GABRB1: variants seen among roughly 807,000 people sequenced by gnomAD.
The protein encoded by GABRB1 is gamma-aminobutyric acid type A receptor subunit beta1, also known as gamma-aminobutyric acid receptor subunit beta-1.
A neutral mutation model predicts 51.6 loss-of-function variants in GABRB1; 17 were observed. That is an observed-to-expected ratio of 0.33 (90% confidence interval 0.23 to 0.49). GABRB1 has a LOEUF of 0.49. Ranked by LOEUF, GABRB1 falls within the 20% of genes least tolerant of loss-of-function variation. The pLI, the probability that GABRB1 is intolerant of heterozygous loss-of-function variation, is 0.99. For missense variants in GABRB1, 410 were observed against 600.6 expected, an observed-to-expected ratio of 0.68 and a Z score of 3.32; for synonymous variants, 247 against 218.9, an observed-to-expected ratio of 1.13 and a Z score of -1.14.
intron 3 of GABRB1, among the ~76,000 whole-genome samples, chr4:47,111,858 G>T (rs1327228112): frequency 2.0e-5 from 3 of 151,976 alleles, no homozygotes; most frequent in Non-Finnish European, 4.4e-5. Context: ...GTGAGACCCT[G>T]CAATGCAACA....
chr4:47,387,135 A>C (rs1046196579), intron 5 of GABRB1, among the ~76,000 whole-genome samples: 6 of 152,198 alleles, frequency 3.9e-5, no homozygotes, highest in African/African-American at 1.4e-4. Flanking sequence ...ATTTGCAGAT[A>C]ACATGAAACT....
intron 4 of GABRB1, among the ~76,000 whole-genome samples, chr4:47,301,474 CAATAAAA>C (rs1724258489): frequency 1.3e-5 from 2 of 150,782 alleles, no homozygotes; most frequent in Non-Finnish European, 3.0e-5. Context: ...CCCATCTCTA[CAATAAAA>C]AATTTAGCCA....
In GABRB1 at chr4:47,326,584, G is replaced by T. The variant is rs115259258; in HGVS notation, c.544+6375G>T. On this transcript the variant is annotated intron_variant, in intron 5 of 8. Coordinates refer to ENST00000295454, the MANE Select transcript of GABRB1 (RefSeq NM_000812.4). ...CTATTTGCAATTTCATATATCTACT[G>T]AGGGTCTTGGAATATATCTCCTGAA... Among the ~76,000 whole-genome samples, 1,287 of 152,146 alleles carry T rather than the reference G, an allele frequency of 8.5e-3. 11 individuals are homozygous for T. The highest frequency in any genetic ancestry group is 0.013 in the Non-Finnish European group (884 of 68,006).
At chr4:47,026,056 C>A (rs545368970) in intron 1 of GABRB1, among the ~76,000 whole-genome samples, 9 of 151,994 alleles carry the variant, frequency 5.9e-5, no homozygotes, top group African/African-American at 2.2e-4. Context: ...TTTTGCTGGC[C>A]GCAATGGCAG....
chr4:47,166,691 A>C (rs10015561), intron 4 of GABRB1, among the ~76,000 whole-genome samples: 105,270 of 151,810 alleles, frequency 0.69, 37,021 homozygotes, highest in Middle Eastern at 0.84. Flanking sequence ...AGAGCCCTTA[A>C]TCCCTACATT....
chr4:47,326,445 C>T (rs1725266375), intron 5 of GABRB1, among the ~76,000 whole-genome samples: 1 of 152,120 alleles, frequency 6.6e-6, no homozygotes, highest in African/African-American at 2.4e-5. Context: ...ATTTTTATAA[C>T]TATTCTATTT....
chr4:47,382,844 C>T (rs1008420044), intron 5 of GABRB1, among the ~76,000 whole-genome samples: 58 of 152,098 alleles, frequency 3.8e-4, no homozygotes, highest in African/African-American at 1.4e-3. Flanking sequence ...GGCAGCTAGC[C>T]ACGTATTTCA....
At chr4:47,252,170 C>A (rs1722017434) in intron 4 of GABRB1, among the ~76,000 whole-genome samples, 2 of 147,100 alleles carry the variant, frequency 1.4e-5, no homozygotes, top group African/African-American at 5.0e-5. Context: ...TGCCTGGAGA[C>A]CCAGTGAGCT....
At chr4:47,393,914 G>A (rs1172923064) in intron 5 of GABRB1, among the ~76,000 whole-genome samples, 4 of 152,206 alleles carry the variant, frequency 2.6e-5, no homozygotes, top group African/African-American at 9.7e-5. Context: ...GTATTGCAAC[G>A]TCAAGTATAT....
Position 47,425,973 on chromosome 4 carries a change from C to G in GABRB1, c.1380C>G (p.Thr460=). 6.2e-7 allele frequency: 1 copy of G among 1,609,716 alleles called. No individual in the cohort carries two copies. The highest frequency in any genetic ancestry group is 2.2e-5 in the East Asian group (1 of 44,778). The stretch of plus-strand genomic sequence containing the variant: ...GGTCCCGAATGTTTTTCCCCATCAC[C>G]TTTTCTCTTTTTAATGTCGTCTATT... ...DKWSRMFFPI[T]FSLFNVVYWL... Residue 460 remains threonine (T), a synonymous_variant, in exon 9 of 9, where the codon ACC becomes ACG. Coordinates refer to ENST00000295454, the MANE Select transcript of GABRB1 (RefSeq NM_000812.4).
chr4:47,001,746 A>T (rs1053598216), intron 1 of GABRB1, among the ~76,000 whole-genome samples: 1 of 152,228 alleles, frequency 6.6e-6, no homozygotes, highest in African/African-American at 2.4e-5. Flanking sequence ...CTACAGATAG[A>T]ATAATCTATA....
intron 4 of GABRB1, among the ~76,000 whole-genome samples, chr4:47,175,341 A>G (rs922482778): frequency 1.3e-5 from 2 of 152,042 alleles, no homozygotes; most frequent in African/African-American, 4.8e-5. Context: ...ACAAGCATGA[A>G]TCATCACCCC....
At chr4:47,368,702 A>C (rs1203858223) in intron 5 of GABRB1, among the ~76,000 whole-genome samples, 1 of 152,126 alleles carries the variant, frequency 6.6e-6, no homozygotes, top group Non-Finnish European at 1.5e-5. Context: ...ACATTGCTTA[A>C]GACCCTTAGT....
chr4:47,379,565 G>T (rs148387968), intron 5 of GABRB1, among the ~76,000 whole-genome samples: 1 of 152,142 alleles, frequency 6.6e-6, no homozygotes, highest in Non-Finnish European at 1.5e-5. Context: ...TTCAATTTAT[G>T]ATTGGTTTAT....
intron 4 of GABRB1, among the ~76,000 whole-genome samples, chr4:47,253,307 G>A (rs534547666): frequency 2.3e-4 from 35 of 152,334 alleles, no homozygotes; most frequent in African/African-American, 7.5e-4. Flanking sequence ...CCATTTGTGT[G>A]AGTCCGTGAG....
intron 4 of GABRB1, among the ~76,000 whole-genome samples, chr4:47,171,088 G>T (rs1718418248): frequency 6.6e-6 from 1 of 152,076 alleles, no homozygotes; most frequent in South Asian, 2.1e-4. Context: ...AAATAATTAT[G>T]CAGTTATTAC....
intron 4 of GABRB1, among the ~76,000 whole-genome samples, chr4:47,294,831 C>T (rs569540233): frequency 1.5e-4 from 23 of 152,312 alleles, no homozygotes; most frequent in African/African-American, 4.6e-4. Context: ...CCCTGACCCC[C>T]GAGCAGCCTA....
chr4:47,126,509 G>A (rs553355931), intron 3 of GABRB1, among the ~76,000 whole-genome samples: 1 of 152,076 alleles, frequency 6.6e-6, no homozygotes, highest in Non-Finnish European at 1.5e-5. Context: ...TGTATTTTAA[G>A]ACACCATTTT....
intron 5 of GABRB1, among the ~76,000 whole-genome samples, chr4:47,351,544 T>C (rs900083445): frequency 2.0e-5 from 3 of 147,690 alleles, no homozygotes; most frequent in Non-Finnish European, 4.5e-5. Context: ...TATCTCCTAA[T>C]GCTATCCCTC....
Sources: allele counts gnomAD v4.1 joint callset (sites outside exome capture counted in the v4.1 genomes callset), GRCh38; gene constraint gnomAD v4.1.1; transcripts MANE v1.5; gene names NCBI Gene and HGNC (gene_info 2026-07-23, HGNC 2026-07-21).